Variants in OPCML observed in about 807,000 individuals in gnomAD.
The protein encoded by OPCML is opioid binding protein/cell adhesion molecule like.
OPCML carries 13 observed loss-of-function variants against 37.8 expected under a neutral mutation model. The observed-to-expected ratio is 0.34, with a 90% CI of 0.22 to 0.55. The LOEUF is 0.55. Among genes scored for constraint, OPCML ranks in the 20% least tolerant of loss-of-function variants. The pLI is 0.91. For missense variants in OPCML, 341 were observed against 435.6 expected (o/e 0.78, Z 1.93); for synonymous variants, 176 against 168.8 (o/e 1.04, Z -0.33).
chr11:132,670,773 G>A (rs1204160289), intron 2 of OPCML, among the ~76,000 whole-genome samples: 1 of 152,090 alleles, frequency 6.6e-6, no homozygotes, highest in African/African-American at 2.4e-5. Flanking sequence ...GGAGCATAGT[G>A]AATAGTCAAT....
At chr11:132,663,530 G>A (rs10791245) in intron 2 of OPCML, among the ~76,000 whole-genome samples, 73,078 of 152,096 alleles carry the variant, frequency 0.48, 17,742 homozygotes, top group Middle Eastern at 0.58. Context: ...AAATTTAAAT[G>A]TTCAGATTTG....
At chr11:132,796,880 C>A (rs1293728340) in intron 2 of OPCML, among the ~76,000 whole-genome samples, 1 of 152,100 alleles carries the variant, frequency 6.6e-6, no homozygotes, top group Non-Finnish European at 1.5e-5. Flanking sequence ...ATGTGAGGAT[C>A]TTTTCAGGTG....
intron 1 of OPCML, among the ~76,000 whole-genome samples, chr11:133,516,963 G>T (rs573204167): frequency 5.9e-5 from 9 of 152,324 alleles, no homozygotes; most frequent in African/African-American, 2.2e-4. Context: ...CCGTAGCAAC[G>T]GCATTGTACC....
chr11:132,628,506 G>A (rs776656092), intron 3 of OPCML, among the ~76,000 whole-genome samples: 3 of 152,080 alleles, frequency 2.0e-5, no homozygotes, highest in Non-Finnish European at 1.5e-5. Context: ...TCAGAAATAG[G>A]AAAGGACTCA....
At chr11:132,762,066 C>G (rs1007914223) in intron 2 of OPCML, among the ~76,000 whole-genome samples, 1 of 152,196 alleles carries the variant, frequency 6.6e-6, no homozygotes. Context: ...CAGTCAGGCC[C>G]CTCTTCTGCA....
At chr11:133,062,583 A>C (rs1271276368) in intron 1 of OPCML, among the ~76,000 whole-genome samples, 1 of 152,080 alleles carries the variant, frequency 6.6e-6, no homozygotes, top group East Asian at 1.9e-4. Flanking sequence ...CACCCTGCTT[A>C]GGTTCCAACC....
rs563662533 is a variant in OPCML, at chr11:133,339,218, G to A, written c.61+193046C>T. On this transcript the variant is annotated intron_variant, in intron 1 of 7. Transcript: ENST00000524381. The stretch of plus-strand genomic sequence containing the variant: ...TATTGAGTTCTTTAATATATGCTAG[G>A]CATTTCATTATAACTTTGCATTGTA... Among the ~76,000 whole-genome samples, 12 of 152,204 alleles carry A rather than the reference G, an allele frequency of 7.9e-5. No homozygotes were observed. In the South Asian group the frequency reaches 2.5e-3, roughly 32 times the overall value.
intron 2 of OPCML, among the ~76,000 whole-genome samples, chr11:132,783,961 T>A (rs898965927): frequency 1.3e-5 from 2 of 152,198 alleles, no homozygotes; most frequent in African/African-American, 4.8e-5. Context: ...TAAGTACAGG[T>A]TTTAGCCCTC....
intron 1 of OPCML, among the ~76,000 whole-genome samples, chr11:133,149,331 A>G (rs542975418): frequency 1.3e-5 from 2 of 152,304 alleles, no homozygotes; most frequent in East Asian, 1.9e-4. Flanking sequence ...AAATCTTCCA[A>G]TTTGACATTG....
intron 3 of OPCML, among the ~76,000 whole-genome samples, chr11:132,591,990 T>G (rs569462449): frequency 6.6e-6 from 1 of 152,206 alleles, no homozygotes; most frequent in African/African-American, 2.4e-5. Flanking sequence ...AGATGAACAC[T>G]GGGGAAGAAA....
chr11:133,233,991 A>G (rs1940403943), intron 1 of OPCML, among the ~76,000 whole-genome samples: 1 of 152,160 alleles, frequency 6.6e-6, no homozygotes, highest in Non-Finnish European at 1.5e-5. Flanking sequence ...TGTTCCAGCT[A>G]TGTTAGATAA....
chr11:132,434,787 G>A (rs2096007754), intron 7 of OPCML, among the ~76,000 whole-genome samples: 1 of 152,098 alleles, frequency 6.6e-6, no homozygotes, highest in African/African-American at 2.4e-5. Context: ...TCATAGTAGG[G>A]TGACGTCCCC....
At chr11:132,738,287 G>A (rs759642449) in intron 2 of OPCML, among the ~76,000 whole-genome samples, 4 of 152,166 alleles carry the variant, frequency 2.6e-5, no homozygotes, top group Non-Finnish European at 5.9e-5. Flanking sequence ...AATGTCGCCT[G>A]TACTTCATGC....
chr11:133,499,693 T>A (rs1445399329), intron 1 of OPCML, among the ~76,000 whole-genome samples: 2 of 150,592 alleles, frequency 1.3e-5, no homozygotes, highest in Admixed American at 6.6e-5. Context: ...TTTGTTGGGG[T>A]TTTTTTTAAA....
At chr11:132,539,232 A>G (rs2096349204) in intron 3 of OPCML, among the ~76,000 whole-genome samples, 1 of 152,202 alleles carries the variant, frequency 6.6e-6, no homozygotes, top group Admixed American at 6.5e-5. Context: ...GCAAAGCTCC[A>G]TGATAGCCCA....
At chr11:132,524,516 T>C (rs1301525024) in intron 4 of OPCML, among the ~76,000 whole-genome samples, 4 of 152,208 alleles carry the variant, frequency 2.6e-5, no homozygotes, top group Admixed American at 2.6e-4. Context: ...TATAGATTTT[T>C]GTATCTAAAG....
intron 4 of OPCML, among the ~76,000 whole-genome samples, chr11:132,479,381 C>T (rs576819468): frequency 4.6e-5 from 7 of 152,306 alleles, no homozygotes; most frequent in South Asian, 4.1e-4. Flanking sequence ...CCTATGCCCA[C>T]GGAATCTCGC....
In OPCML at chr11:132,603,545, C is replaced by T. The variant is rs564906599; in HGVS notation, c.379+53542G>A. Among the ~76,000 whole-genome samples the T allele has an allele frequency of 9.6e-4, 146 of 152,304 alleles. 3 individuals are homozygous for T. The South Asian group carries it at 0.029, about 31-fold the overall frequency. ...CTACAGCAGCTTCCTAAACTATCTC[C>T]CTGTTTCCCTGTTCTCCAATTCATC... On this transcript the variant is annotated intron_variant, in intron 3 of 7. Transcript: ENST00000524381.
At chr11:132,758,307 G>A (rs1019448955) in intron 2 of OPCML, among the ~76,000 whole-genome samples, 2 of 152,160 alleles carry the variant, frequency 1.3e-5, no homozygotes, top group Non-Finnish European at 2.9e-5. Flanking sequence ...GGTTCCATAT[G>A]AAATTTAAAG....
Sources: allele counts gnomAD v4.1 joint callset (sites outside exome capture counted in the v4.1 genomes callset), GRCh38; gene constraint gnomAD v4.1.1; transcripts MANE v1.5; gene names NCBI Gene and HGNC (gene_info 2026-07-23, HGNC 2026-07-21).